CELF2: variants seen among roughly 807,000 people sequenced by gnomAD.
CELF2 encodes CUG triplet repeat RNA-binding protein 2.
In CELF2, 8 loss-of-function variants were observed where a neutral mutation model predicts 62.6. That is an observed-to-expected ratio of 0.13 (90% CI 0.07 to 0.23). CELF2 has a LOEUF of 0.23. CELF2 is among the 10% of genes least tolerant of loss of function. The pLI, the probability that CELF2 is intolerant of heterozygous loss-of-function variation, is 1.00. For missense variants in CELF2, 333 were observed against 671.0 expected (o/e 0.50, Z 5.56); for synonymous variants, 258 against 250.0 (o/e 1.03, Z -0.30).
intron 1 of CELF2, among the ~76,000 whole-genome samples, chr10:10,823,397 T>C (rs545373161): frequency 1.3e-5 from 2 of 152,262 alleles, no homozygotes; most frequent in Admixed American, 1.3e-4. Flanking sequence ...CTCGCAGGAA[T>C]GGAAATTGGG....
chr10:11,233,286 C>T (rs1018494940), intron 3 of CELF2, among the ~76,000 whole-genome samples: 5 of 152,290 alleles, frequency 3.3e-5, no homozygotes, highest in South Asian at 4.1e-4. Flanking sequence ...GAGAAACAAA[C>T]GCTGTCTCCT....
intron 2 of CELF2, among the ~76,000 whole-genome samples, chr10:11,175,112 G>C (rs964149740): frequency 6.6e-6 from 1 of 151,826 alleles, no homozygotes; most frequent in African/African-American, 2.4e-5. Flanking sequence ...CAGACACCAA[G>C]TGTTACGGAA....
Position 10,824,280 on chromosome 10 carries a change from A to G in CELF2, c.53+25463A>G, listed in dbSNP as rs192589185. On this transcript the variant is annotated intron_variant, in intron 1 of 13. Coordinates refer to the CELF2 transcript ENST00000636488. Reference sequence around the variant, plus strand: ...TGAGCCAGCCATACCCAAGAATGTTATTAATAGTGTGTGATTTTCAAAATG... The same window carrying G: ...TGAGCCAGCCATACCCAAGAATGTTGTTAATAGTGTGTGATTTTCAAAATG... 1.8e-3 allele frequency among the ~76,000 whole-genome samples: 278 copies of G among 152,330 alleles called. 2 individuals carry two copies. The highest frequency in any genetic ancestry group is 0.013 in the South Asian group (62 of 4,826).
chr10:10,500,394 T>G, the CELF2 span, among the ~76,000 whole-genome samples: 3 of 152,180 alleles, frequency 2.0e-5, no homozygotes, highest in Non-Finnish European at 2.9e-5. Context: ...ACAATTCTCA[T>G]GTGTTGTTGG....
intron 1 of CELF2, among the ~76,000 whole-genome samples, chr10:11,084,038 A>T (rs2074742666): frequency 6.6e-6 from 1 of 152,202 alleles, no homozygotes; most frequent in Admixed American, 6.5e-5. Flanking sequence ...CACTGTGAAG[A>T]TCCGGTCCCT....
At chr10:10,806,634 A>G (rs1461665915) in intron 1 of CELF2, among the ~76,000 whole-genome samples, 3 of 152,156 alleles carry the variant, frequency 2.0e-5, no homozygotes, top group African/African-American at 4.8e-5. Flanking sequence ...GCAGGACTGT[A>G]TCAGATCATG....
At chr10:10,996,171 C>G (rs1333033696) in intron 2 of CELF2, among the ~76,000 whole-genome samples, 1 of 152,146 alleles carries the variant, frequency 6.6e-6, no homozygotes, top group Non-Finnish European at 1.5e-5. Flanking sequence ...TGTGCTGTTG[C>G]TTTTCTGGAA....
At chr10:10,856,014 A>G (rs1310078035) in intron 1 of CELF2, among the ~76,000 whole-genome samples, 1 of 152,184 alleles carries the variant, frequency 6.6e-6, no homozygotes, top group Non-Finnish European at 1.5e-5. Flanking sequence ...ATTTGGGAAG[A>G]AAAGAACTAA....
intron 3 of CELF2, among the ~76,000 whole-genome samples, chr10:11,222,165 GC>G (rs1403239761): frequency 6.6e-6 from 1 of 152,130 alleles, no homozygotes; most frequent in Non-Finnish European, 1.5e-5. Flanking sequence ...TCTCTCTTCA[GC>G]AAAAAAGCTT....
At position 10,997,547 on chromosome 10, in the gene CELF2, C is replaced by T. The variant is rs2054088982; in HGVS notation, c.89+77548C>T. On this transcript the variant is annotated intron_variant, in intron 2 of 13. Transcript: ENST00000636488. This position sits in a 1 kb window ranked among gnomAD's most constrained non-coding sequence, Gnocchi z 5.3. ...AGGAAAGGAAGATCCCCAAGTGCAC[C>T]AAAGGTCATATTCACGTTTGGATCC... 2.0e-5 allele frequency among the ~76,000 whole-genome samples: 3 copies of T among 152,096 alleles called. No individual in the cohort carries two copies. The highest frequency in any genetic ancestry group is 2.0e-4 in the Admixed American group (3 of 15,266).
chr10:11,287,937 A>G (rs1590751132), intron 8 of CELF2, among the ~76,000 whole-genome samples: 2 of 152,172 alleles, frequency 1.3e-5, no homozygotes, highest in South Asian at 4.1e-4. Flanking sequence ...CTTCTGAAAT[A>G]CCTCGTTTTG....
chr10:11,079,963 G>T (rs188575767), intron 1 of CELF2, among the ~76,000 whole-genome samples: 14 of 152,080 alleles, frequency 9.2e-5, no homozygotes, highest in East Asian at 1.9e-4. Flanking sequence ...TACTTATAGC[G>T]CTAAGAAAAA....
chr10:10,614,279 G>C, the CELF2 span, among the ~76,000 whole-genome samples: 1,255 of 152,058 alleles, frequency 8.3e-3, 10 homozygotes, highest in South Asian at 0.036. Flanking sequence ...ACACCAATTA[G>C]ATGACTGCTA....
chr10:10,685,728 G>T, the CELF2 span, among the ~76,000 whole-genome samples: 1 of 152,298 alleles, frequency 6.6e-6, no homozygotes, highest in Admixed American at 6.5e-5. Context: ...TTCCTTCTTT[G>T]CTGTGGGTTG....
the CELF2 span, among the ~76,000 whole-genome samples, chr10:10,689,840 T>C: frequency 6.6e-6 from 1 of 152,218 alleles, no homozygotes; most frequent in African/African-American, 2.4e-5. Flanking sequence ...CAAAATTCTA[T>C]ATCTATACAT....
the CELF2 span, among the ~76,000 whole-genome samples, chr10:10,636,813 G>A: frequency 1.2e-3 from 190 of 152,218 alleles, no homozygotes; most frequent in African/African-American, 4.5e-3. Flanking sequence ...TGAAGGGGAG[G>A]GGTTCACCAA....
intron 1 of CELF2, among the ~76,000 whole-genome samples, chr10:11,077,700 G>C (rs2072506408): frequency 6.6e-6 from 1 of 152,288 alleles, no homozygotes; most frequent in Middle Eastern, 3.4e-3. Context: ...TGCCCTGTAA[G>C]TGAGATACAT....
At chr10:10,901,606 G>T (rs1490451213) in intron 1 of CELF2, among the ~76,000 whole-genome samples, 1 of 152,190 alleles carries the variant, frequency 6.6e-6, no homozygotes, top group Non-Finnish European at 1.5e-5. Flanking sequence ...AGTAGGCAAA[G>T]AGTTCCTAAA....
At chr10:10,585,130 A>G in the CELF2 span, among the ~76,000 whole-genome samples, 1 of 152,196 alleles carries the variant, frequency 6.6e-6, no homozygotes, top group Non-Finnish European at 1.5e-5. Flanking sequence ...AAGCAAATGA[A>G]TATTCTCAGT....
Sources: gnomAD v4.1 joint callset for allele counts (sites outside exome capture counted in the v4.1 genomes callset) on GRCh38, gnomAD v4.1.1 for gene constraint, Gnocchi (gnomAD v3.1) non-coding constraint, MANE v1.5 for transcripts, NCBI Gene and HGNC (gene_info 2026-07-23, HGNC 2026-07-21) for gene names.